WDR72: variants seen among roughly 807,000 people sequenced by gnomAD.
WDR72 encodes WD repeat domain 72.
WDR72 carries 120 observed loss-of-function variants against 124.2 expected under a neutral mutation model. The ratio of observed to expected loss-of-function variants is 0.97; its 90% confidence interval spans 0.83 to 1.12. The LOEUF is 1.12. Ranked by LOEUF, WDR72 falls within the 50% of genes most tolerant of loss-of-function variation. The pLI is 0.00. For missense variants in WDR72, 1,387 were observed against 1,278.8 expected, an observed-to-expected ratio of 1.08 and a Z score of -1.29; for synonymous variants, 452 against 441.7, an observed-to-expected ratio of 1.02 and a Z score of -0.29.
chr15:53,532,467 G>T (rs192853290), intron 18 of WDR72, among the ~76,000 whole-genome samples: 1 of 152,192 alleles, frequency 6.6e-6, no homozygotes, highest in African/African-American at 2.4e-5. Flanking sequence ...GTCATAAAAA[G>T]AATGAACTTC....
At chr15:53,644,355 C>T (rs1302118750) in intron 14 of WDR72, among the ~76,000 whole-genome samples, 3 of 151,854 alleles carry the variant, frequency 2.0e-5, no homozygotes, top group South Asian at 2.1e-4. Context: ...TTGAAGAGCT[C>T]GTTCATATTT....
intron 18 of WDR72, among the ~76,000 whole-genome samples, chr15:53,596,740 A>T (rs987809950): frequency 5.9e-5 from 9 of 152,164 alleles, no homozygotes; most frequent in Admixed American, 1.3e-4. Context: ...TGACAATTAT[A>T]AGAGGAAATT....
At chr15:53,727,552 G>A (rs1195298545) in intron 2 of WDR72, among the ~76,000 whole-genome samples, 4 of 152,148 alleles carry the variant, frequency 2.6e-5, no homozygotes, top group African/African-American at 9.7e-5. Context: ...CCTTTTTCCT[G>A]AGAAGTCCAG....
intron 14 of WDR72, among the ~76,000 whole-genome samples, chr15:53,663,323 T>C (rs955874122): frequency 1.3e-5 from 2 of 152,024 alleles, no homozygotes; most frequent in Non-Finnish European, 2.9e-5. Flanking sequence ...CAATTCAGTT[T>C]ATGTCCGAAT....
At chr15:53,679,650 C>A (rs2016308366) in intron 13 of WDR72, among the ~76,000 whole-genome samples, 1 of 151,940 alleles carries the variant, frequency 6.6e-6, no homozygotes, top group Non-Finnish European at 1.5e-5. Flanking sequence ...AGAAGAGTTC[C>A]AATGGAAAAA....
At chr15:53,536,249 T>C (rs143160686) in intron 18 of WDR72, among the ~76,000 whole-genome samples, 1 of 152,148 alleles carries the variant, frequency 6.6e-6, no homozygotes, top group Admixed American at 6.5e-5. Flanking sequence ...TATGTCACCA[T>C]CCCAGTAGCG....
chr15:53,570,033 C>A (rs1894452287), intron 18 of WDR72, among the ~76,000 whole-genome samples: 1 of 152,116 alleles, frequency 6.6e-6, no homozygotes, highest in Non-Finnish European at 1.5e-5. Context: ...TGTTATCCTT[C>A]ATCTTTTTAT....
chr15:53,600,503 G>A (rs1345463446), intron 17 of WDR72, among the ~76,000 whole-genome samples: 3 of 152,076 alleles, frequency 2.0e-5, no homozygotes, highest in Admixed American at 6.6e-5. Context: ...CTCATTGACT[G>A]GAAAGAGTCA....
intron 13 of WDR72, among the ~76,000 whole-genome samples, chr15:53,678,503 C>T (rs2016257147): frequency 6.6e-6 from 1 of 152,140 alleles, no homozygotes; most frequent in Non-Finnish European, 1.5e-5. Context: ...TCCCTTCTTA[C>T]TATCATCCTT....
chr15:53,597,092 A>G lies in WDR72; in HGVS notation c.3135T>C (p.Thr1045=), dbSNP rs534775265. The G allele has an allele frequency of 3.7e-6, 6 of 1,613,754 alleles. No individual in the cohort carries two copies. In the South Asian group the frequency reaches 5.5e-5, roughly 15 times the overall value. ...EELELQCVRN[T]LPLQTPVSPV... ...TTTTGTACTTACTTTGCAGAGGCAA[A>G]GTGTTTCTAACACACTGTAACTCTA... is the stretch of plus-strand genomic sequence containing the variant. Residue 1045 remains threonine, a synonymous_variant, in exon 18 of 20, where the codon ACT becomes ACC. Transcript: ENST00000360509.
chr15:53,549,980 A>G (rs780565805), intron 18 of WDR72, among the ~76,000 whole-genome samples: 9 of 152,058 alleles, frequency 5.9e-5, no homozygotes, highest in Non-Finnish European at 1.3e-4. Flanking sequence ...TCCTGAGTGA[A>G]CTTTTGGTGT....
chr15:53,633,046 T>C (rs1020988889), intron 14 of WDR72, among the ~76,000 whole-genome samples: 3 of 152,152 alleles, frequency 2.0e-5, no homozygotes, highest in Non-Finnish European at 4.4e-5. Flanking sequence ...TATTTTACAA[T>C]GTGAGAAGGA....
chr15:53,580,878 CT>C (rs1331992668), intron 18 of WDR72, among the ~76,000 whole-genome samples: 3 of 152,076 alleles, frequency 2.0e-5, no homozygotes, highest in African/African-American at 7.2e-5. Context: ...ACTTTCCAAC[CT>C]GCATTCCATG....
At chr15:53,525,229 A>G (rs1438212266) in intron 18 of WDR72, among the ~76,000 whole-genome samples, 1 of 152,086 alleles carries the variant, frequency 6.6e-6, no homozygotes, top group Non-Finnish European at 1.5e-5. Flanking sequence ...TCAGAATACT[A>G]TTATGTTGGT....
intron 2 of WDR72, among the ~76,000 whole-genome samples, chr15:53,724,236 A>C (rs1248367203): frequency 1.3e-5 from 2 of 152,218 alleles, no homozygotes; most frequent in Non-Finnish European, 2.9e-5. Context: ...ACACATGGTG[A>C]CTATAGTTAC....
chr15:53,732,657 A>C lies in WDR72; in HGVS notation c.153+340T>G, dbSNP rs74015917. Reference sequence around the variant, plus strand: ...TCAAGGGTGCCCTTTGTTTAGATTAATGAGCCATAATTTTTAAAATTATAC... The same window carrying C: ...TCAAGGGTGCCCTTTGTTTAGATTACTGAGCCATAATTTTTAAAATTATAC... On this transcript the variant is annotated intron_variant, in intron 2 of 19. Coordinates refer to ENST00000360509, the MANE Select transcript of WDR72 (RefSeq NM_182758.4). Among the ~76,000 whole-genome samples, 750 of 152,330 alleles carry C rather than the reference A, an allele frequency of 4.9e-3. 7 individuals carry two copies. The highest frequency in any genetic ancestry group is 0.017 in the African/African-American group (714 of 41,574).
At chr15:53,586,991 A>G (rs2012245363) in intron 18 of WDR72, among the ~76,000 whole-genome samples, 1 of 151,996 alleles carries the variant, frequency 6.6e-6, no homozygotes, top group African/African-American at 2.4e-5. Flanking sequence ...TAGGGTTGGT[A>G]CTGCCCCCTA....
At chr15:53,623,754 T>C (rs1422775548) in intron 14 of WDR72, among the ~76,000 whole-genome samples, 1 of 152,186 alleles carries the variant, frequency 6.6e-6, no homozygotes, top group African/African-American at 2.4e-5. Flanking sequence ...CTAATTTACA[T>C]TCCCACCAAG....
chr15:53,586,122 T>C (rs2012200459), intron 18 of WDR72, among the ~76,000 whole-genome samples: 1 of 151,992 alleles, frequency 6.6e-6, no homozygotes, highest in African/African-American at 2.4e-5. Context: ...AGTACATAGC[T>C]TGGGAAACAG....
Sources: gnomAD v4.1 joint callset for allele counts (sites outside exome capture counted in the v4.1 genomes callset) on GRCh38, gnomAD v4.1.1 for gene constraint, MANE v1.5 for transcripts, NCBI Gene and HGNC (gene_info 2026-07-23, HGNC 2026-07-21) for gene names.